The following MRS2 variants were observed in gnomAD, a reference collection of about 807,000 sequenced individuals.
MRS2 encodes magnesium transporter MRS2, also known as magnesium transporter MRS2 homolog, mitochondrial.
MRS2 carries 40 observed loss-of-function variants against 52.6 expected under a neutral mutation model. The ratio of observed to expected loss-of-function variants is 0.76; its 90% CI spans 0.59 to 0.99. MRS2 has a LOEUF of 0.99. Ranked by LOEUF, MRS2 falls within the 50% of genes least tolerant of loss-of-function variation. The pLI, the probability that MRS2 is intolerant of heterozygous loss-of-function variation, is 0.00. For synonymous variants in MRS2, 193 were observed against 195.9 expected (o/e 0.98, Z 0.13); for missense variants, 472 against 532.7 (o/e 0.89, Z 1.12).
In MRS2 at chr6:24,403,124, C is replaced by T. The variant is rs749303292; in HGVS notation, c.78C>T (p.Ala26=). 16 of 1,612,184 alleles carry T rather than the reference C, an allele frequency of 9.9e-6. No homozygotes were observed. The South Asian group carries it at 1.2e-4, about 12-fold the overall frequency. Reference sequence around the variant, plus strand: ...CCCGGCGGACGCTGTGTGCCCTGGCCTTGGACGTGACCTCTGTGGGTCCTC... The same window carrying T: ...CCCGGCGGACGCTGTGTGCCCTGGCTTTGGACGTGACCTCTGTGGGTCCTC... The part of the protein sequence containing the change: ...RLPRRTLCAL[A]LDVTSVGPPV... The change falls in exon 1 of 11, where the codon GCC becomes GCT. Residue 26 remains alanine (A), a synonymous_variant. Transcript: ENST00000378386.
Position 24,418,177 on chromosome 6 carries a change from T to A in MRS2, c.930T>A (p.Ala310=). 2 of 1,613,786 alleles carry A rather than the reference T, an allele frequency of 1.2e-6. No homozygotes were observed. Among genetic ancestry groups the A allele is most frequent in the Non-Finnish European group, 1.7e-6 (2 of 1,179,772 alleles). The change falls in exon 8 of 11, where the codon GCT becomes GCA. Residue 310 remains alanine (A), a synonymous_variant. Coordinates refer to ENST00000378386, the MANE Select transcript of MRS2 (RefSeq NM_020662.4). ...TGGCTGACGATCTCTCCAATGCAGC[T>A]CGTGAGCTTAGGGTGCTGATTGATG... The part of the protein sequence containing the change: ...YRLADDLSNA[A]RELRVLIDDS...
chr6:24,408,219 G>A (rs781244056), intron 2 of MRS2, among the ~76,000 whole-genome samples, 189 bp from the exon 3 acceptor site: 11 of 151,892 alleles, frequency 7.2e-5, no homozygotes, highest in Non-Finnish European at 1.3e-4. Context: ...AAGGAAAAAA[G>A]GATTTTAAAA....
In MRS2 at chr6:24,415,797, A is replaced by C. The variant is rs571453958; in HGVS notation, c.720-600A>C. 2.0e-5 allele frequency among the ~76,000 whole-genome samples: 3 copies of C among 152,334 alleles called. No individual in the cohort carries two copies. In the South Asian group the frequency reaches 6.2e-4, roughly 32 times the overall value. ...ATAAGTAATGTATGATGAAATTTATATCACTGATAATTTTACCAATTAATT... is the reference window on the plus strand; with the variant it reads ...ATAAGTAATGTATGATGAAATTTATCTCACTGATAATTTTACCAATTAATT... On this transcript the variant is annotated intron_variant, in intron 6 of 10. Transcript: ENST00000378386.
chr6:24,422,065 G>A lies in MRS2; in HGVS notation c.1108-872G>A, dbSNP rs6899899. On this transcript the variant is annotated intron_variant, in intron 9 of 10. Transcript: ENST00000378386. ...TCAGGGGGGCCGAGGCACAAGAATC[G>A]CTTGAATCAGGTAGACGGAGGTTGC... 1.0e-2 allele frequency among the ~76,000 whole-genome samples: 1,516 copies of A among 152,234 alleles called. 19 individuals carry two copies. The highest frequency in any genetic ancestry group is 0.033 in the African/African-American group (1,360 of 41,538).
chr6:24,411,863 T>TG (rs1051123750), intron 4 of MRS2, among the ~76,000 whole-genome samples: 14 of 151,464 alleles, frequency 9.2e-5, no homozygotes, highest in African/African-American at 3.4e-4. Context: ...TGGTGTTTTT[T>TG]TTTTTGTTTT....
chr6:24,418,776 G>A (rs1761944728), intron 9 of MRS2, 198 bp downstream of exon 9: 2 of 410,340 alleles, frequency 4.9e-6, no homozygotes, highest in Non-Finnish European at 9.1e-6. Context: ...GCAGGCACCT[G>A]TAATCCCAGC....
chr6:24,423,446 G>T, intron 10 of MRS2, 138 bp from the exon 11 acceptor site: 1 of 499,356 alleles, frequency 2.0e-6, no homozygotes, highest in Non-Finnish European at 3.6e-6. Context: ...ACTTGAAGAT[G>T]GCACCACTGG....
At chr6:24,410,669 T>A in intron 4 of MRS2, 1 of 1,299,528 alleles carries the variant, frequency 7.7e-7, no homozygotes, top group Non-Finnish European at 1.0e-6. Context: ...AATAAATAAG[T>A]AAATAAAAAA....
rs1474098941 is a variant in MRS2 at position 24,425,095 on chromosome 6, G to C, written c.*1401G>C. ...CGTCATGGTGTTCTTGTCGGAATGTGAACATACAGCACCCTCTAGCATTAC... is the reference window on the plus strand; with the variant it reads ...CGTCATGGTGTTCTTGTCGGAATGTCAACATACAGCACCCTCTAGCATTAC... On this transcript the variant is annotated 3_prime_UTR_variant, in exon 11 of 11. Transcript: ENST00000378386. 6.6e-6 allele frequency: 1 copy of C among 152,182 alleles called. No individual in the cohort carries two copies. Among genetic ancestry groups the C allele is most frequent in the Non-Finnish European group, 1.5e-5 (1 of 68,040 alleles). 9.4% of individuals were successfully genotyped at this position (152,182 alleles called of 1,614,324 possible).
At chr6:24,406,913 T>C (rs899145861) in intron 2 of MRS2, among the ~76,000 whole-genome samples, 4 of 152,208 alleles carry the variant, frequency 2.6e-5, no homozygotes, top group Non-Finnish European at 5.9e-5. Context: ...TTTGAAATAG[T>C]TTAGAAAGTG....
At chr6:24,405,122 A>G (rs778894391) in intron 1 of MRS2, 46 bp from the exon 2 acceptor site, 41 of 1,431,658 alleles carry the variant, frequency 2.9e-5, no homozygotes, top group Non-Finnish European at 4.0e-5. Flanking sequence ...GCTCTATGTG[A>G]AAACCAATCA....
Position 24,415,041 on chromosome 6 carries a change from C to T in MRS2, c.597C>T (p.Thr199=), listed in dbSNP as rs1393534996. 2 of 1,606,444 alleles carry T rather than the reference C, an allele frequency of 1.2e-6. No homozygotes were observed. The highest frequency in any genetic ancestry group is 1.7e-5 in the Admixed American group (1 of 59,800). Residue 199 remains threonine, a synonymous_variant, in exon 6 of 11, where the codon ACC becomes ACT. Transcript: ENST00000378386. ...GTCATGTTGTTATCTAGATCAACACCCTTCAGGGGAAACTTAGCATTTTGC... is the reference window on the plus strand; with the variant it reads ...GTCATGTTGTTATCTAGATCAACACTCTTCAGGGGAAACTTAGCATTTTGC... The part of the protein sequence containing the change: ...IEALLQYWIN[T]LQGKLSILQP...
intron 3 of MRS2, 119 bp from the exon 4 acceptor site, chr6:24,409,342 T>G (rs1561807388): frequency 1.3e-5 from 7 of 548,258 alleles, no homozygotes; most frequent in Non-Finnish European, 2.3e-5. Context: ...TTAATTTTAG[T>G]TTTTGTTTCT....
At chr6:24,417,309 G>A (rs544396245) in intron 7 of MRS2, among the ~76,000 whole-genome samples, 46 of 152,294 alleles carry the variant, frequency 3.0e-4, no homozygotes, top group African/African-American at 1.1e-3. Context: ...TCTTGGTAGG[G>A]TAGGGGAGCA....
chr6:24,415,513 CAT>C (rs938891074), intron 6 of MRS2, among the ~76,000 whole-genome samples: 1 of 152,106 alleles, frequency 6.6e-6, no homozygotes, highest in Admixed American at 6.5e-5. Context: ...TCTTTAAAAT[CAT>C]AATGCATTCC....
intron 10 of MRS2, chr6:24,423,263 TA>T (rs529958623): frequency 1.3e-4 from 71 of 531,652 alleles, no homozygotes; most frequent in African/African-American, 1.1e-3. Flanking sequence ...AAGCACTTAC[TA>T]GCACACTGCC....
At chr6:24,417,590 A>G (rs1323821531) in intron 7 of MRS2, among the ~76,000 whole-genome samples, 1 of 152,216 alleles carries the variant, frequency 6.6e-6, no homozygotes, top group Non-Finnish European at 1.5e-5. Flanking sequence ...TCCTCAACTC[A>G]TCTGTAAAGT....
chr6:24,416,202 C>T (rs571789111), intron 6 of MRS2, among the ~76,000 whole-genome samples, 195 bp from the exon 7 acceptor site: 18 of 151,912 alleles, frequency 1.2e-4, no homozygotes, highest in African/African-American at 2.2e-4. Flanking sequence ...GGATTACAGG[C>T]GTGACACCAT....
At chr6:24,416,255 C>CTTTTTT in intron 6 of MRS2, 142 bp from the exon 7 acceptor site, 2 of 395,748 alleles carry the variant, frequency 5.1e-6, no homozygotes, top group Non-Finnish European at 9.1e-6. Context: ...AAATACTCAA[C>CTTTTTT]TTTTTTTTTT....
Sources: allele counts gnomAD v4.1 joint callset (sites outside exome capture counted in the v4.1 genomes callset), GRCh38; gene constraint gnomAD v4.1.1; transcripts MANE v1.5; gene names NCBI Gene and HGNC (gene_info 2026-07-23, HGNC 2026-07-21).